Variants in SOX5 observed in about 807,000 individuals in gnomAD.
SOX5 encodes transcription factor SOX-5.
A neutral mutation model predicts 92.0 loss-of-function variants in SOX5; 9 were observed. The observed-to-expected ratio is 0.10, with a 90% CI of 0.06 to 0.17. SOX5 has a LOEUF of 0.17. Ranked by LOEUF, SOX5 falls within the 10% of genes least tolerant of loss-of-function variation. The pLI, the probability that SOX5 is intolerant of heterozygous loss-of-function variation, is 1.00. For synonymous variants in SOX5, 344 were observed against 336.3 expected (o/e 1.02, Z -0.25); for missense variants, 642 against 944.5 (o/e 0.68, Z 4.20).
intron 4 of SOX5, among the ~76,000 whole-genome samples, chr12:23,959,723 A>G (rs1353585078): frequency 1.3e-5 from 2 of 152,180 alleles, no homozygotes; most frequent in Non-Finnish European, 2.9e-5. Flanking sequence ...AAAATAAGCA[A>G]GCAATACAAA....
At chr12:24,171,711 C>T (rs1210150650) in intron 4 of SOX5, among the ~76,000 whole-genome samples, 1 of 151,810 alleles carries the variant, frequency 6.6e-6, no homozygotes, top group East Asian at 2.0e-4. Flanking sequence ...AAGAAGGGAC[C>T]CTTTGGCCAG....
intron 4 of SOX5, among the ~76,000 whole-genome samples, chr12:23,996,455 G>C (rs1282746308): frequency 3.3e-5 from 5 of 152,114 alleles, no homozygotes; most frequent in Non-Finnish European, 5.9e-5. Flanking sequence ...GTTAAACATA[G>C]AGTTACTCAG....
chr12:23,951,324 C>G (rs574989426), upstream of SOX5, among the ~76,000 whole-genome samples: 1 of 151,962 alleles, frequency 6.6e-6, no homozygotes, highest in Non-Finnish European at 1.5e-5. Context: ...CATTCCTCCC[C>G]CCCAACCCCC....
intron 8 of SOX5, among the ~76,000 whole-genome samples, chr12:23,606,577 G>A (rs553268598): frequency 8.6e-5 from 13 of 151,734 alleles, no homozygotes; most frequent in Middle Eastern, 4.1e-3. Flanking sequence ...TATTTAAATC[G>A]CTTAACCAAG....
At chr12:24,407,962 C>G (rs921619608) in intron 1 of SOX5, among the ~76,000 whole-genome samples, 4 of 152,160 alleles carry the variant, frequency 2.6e-5, no homozygotes, top group Non-Finnish European at 5.9e-5. Flanking sequence ...GGGAATCACT[C>G]ATGACAGGAA....
At chr12:24,290,694 A>C (rs1946523347) in intron 2 of SOX5, among the ~76,000 whole-genome samples, 1 of 152,082 alleles carries the variant, frequency 6.6e-6, no homozygotes. Flanking sequence ...CTCCTGACGG[A>C]CTCACGCTAT....
rs935214130 is a variant in SOX5 at position 23,860,420 on chromosome 12, T to TG, written c.271-14228dup. Among the ~76,000 whole-genome samples the TG allele has an allele frequency of 2.0e-5, 3 of 152,188 alleles. No individual in the cohort carries two copies. The East Asian group carries it at 5.8e-4, about 29-fold the overall frequency. ...GAAAAAAAAGAGTCAAAGATAAACA[T>TG]GGTTTTTGCTTGGGAAGTTGAAACA... On this transcript the variant is annotated intron_variant, in intron 2 of 14. Transcript: ENST00000451604.
At chr12:24,440,747 C>G (rs529516420) in intron 1 of SOX5, among the ~76,000 whole-genome samples, 12 of 152,240 alleles carry the variant, frequency 7.9e-5, no homozygotes, top group Admixed American at 2.6e-4. Flanking sequence ...CCCTCACCTA[C>G]TCCCTCAAGG....
chr12:23,658,630 T>C lies in SOX5; in HGVS notation c.931+6814A>G, dbSNP rs74790580. 9.9e-5 allele frequency among the ~76,000 whole-genome samples: 15 copies of C among 152,252 alleles called. No individual in the cohort carries two copies. The East Asian group carries it at 2.5e-3, about 25-fold the overall frequency. Reference sequence around the variant, plus strand: ...GAAACCAGCTGGGCATGGTGGCTCATGCCTTAATCCTAACACTTTGGGAGG... The same window carrying C: ...GAAACCAGCTGGGCATGGTGGCTCACGCCTTAATCCTAACACTTTGGGAGG... On this transcript the variant is annotated intron_variant, in intron 7 of 14. Coordinates refer to ENST00000451604, the MANE Select transcript of SOX5 (RefSeq NM_006940.6).
intron 12 of SOX5, among the ~76,000 whole-genome samples, chr12:23,545,763 G>A (rs1943012599): frequency 6.6e-6 from 1 of 152,010 alleles, no homozygotes; most frequent in African/African-American, 2.4e-5. Flanking sequence ...GAGGCCGCAT[G>A]CAGTAACTCA....
intron 10 of SOX5, 24 bp from the exon 11 acceptor site, chr12:23,563,427 A>C (rs1238030450): frequency 3.1e-6 from 5 of 1,608,282 alleles, no homozygotes; most frequent in Non-Finnish European, 3.4e-6. Flanking sequence ...AGATCAAAGG[A>C]TATCTTTTGT....
intron 8 of SOX5, among the ~76,000 whole-genome samples, chr12:23,607,425 A>T (rs1338119867): frequency 6.6e-6 from 1 of 152,206 alleles, no homozygotes; most frequent in South Asian, 2.1e-4. Context: ...AAAGAAGCTG[A>T]CAATAATTCT....
At chr12:24,265,586 A>C (rs1287225582) in intron 3 of SOX5, among the ~76,000 whole-genome samples, 1 of 152,174 alleles carries the variant, frequency 6.6e-6, no homozygotes, top group African/African-American at 2.4e-5. Flanking sequence ...TACTACATTG[A>C]TATTTATGGT....
At chr12:23,884,707 C>T (rs1455127803) in intron 2 of SOX5, among the ~76,000 whole-genome samples, 1 of 152,138 alleles carries the variant, frequency 6.6e-6, no homozygotes, top group African/African-American at 2.4e-5. Flanking sequence ...TGAACCCAAA[C>T]TGTATCATTT....
At chr12:23,995,423 A>C (rs911494126) in intron 4 of SOX5, among the ~76,000 whole-genome samples, 11 of 152,188 alleles carry the variant, frequency 7.2e-5, no homozygotes, top group African/African-American at 2.7e-4. Flanking sequence ...GGATGAGCAC[A>C]GTGACTCACG....
intron 2 of SOX5, among the ~76,000 whole-genome samples, chr12:24,323,266 A>C (rs773280186): frequency 1.3e-5 from 2 of 151,628 alleles, no homozygotes; most frequent in Non-Finnish European, 2.9e-5. Context: ...GGTTGATAGA[A>C]CAAAATAAAC....
intron 1 of SOX5, among the ~76,000 whole-genome samples, chr12:23,932,952 T>A (rs1941766416): frequency 6.6e-6 from 1 of 151,624 alleles, no homozygotes; most frequent in Non-Finnish European, 1.5e-5. Flanking sequence ...CTCATATTGA[T>A]AAAATGATAA....
chr12:23,684,095 G>T (rs35804787), intron 6 of SOX5, among the ~76,000 whole-genome samples: 57 of 151,892 alleles, frequency 3.8e-4, no homozygotes, highest in Non-Finnish European at 7.1e-4. Flanking sequence ...ATACAATAAA[G>T]ATTTCCAGGT....
chr12:24,165,632 T>C (rs1409697122), intron 4 of SOX5, among the ~76,000 whole-genome samples: 1 of 152,064 alleles, frequency 6.6e-6, no homozygotes, highest in Non-Finnish European at 1.5e-5. Context: ...AAAGGAAGTA[T>C]AGAGGCACAT....
Sources: allele counts gnomAD v4.1 joint callset (sites outside exome capture counted in the v4.1 genomes callset), GRCh38; gene constraint gnomAD v4.1.1; transcripts MANE v1.5; gene names NCBI Gene and HGNC (gene_info 2026-07-23, HGNC 2026-07-21).